The following FHIT variants were observed in gnomAD, a reference collection of about 807,000 sequenced individuals.
The protein encoded by FHIT is fragile histidine triad diadenosine triphosphatase.
FHIT carries 19 observed loss-of-function variants against 17.9 expected under a neutral mutation model. The observed-to-expected ratio is 1.06, with a 90% CI of 0.74 to 1.56. FHIT has a LOEUF of 1.56. FHIT is among the 40% of genes most tolerant of loss of function. FHIT has a pLI of 0.00. For missense variants in FHIT, 248 were observed against 189.2 expected (o/e 1.31, Z -1.82); for synonymous variants, 81 against 69.7 (o/e 1.16, Z -0.81).
chr3:59,782,594 C>T (rs1012389845), intron 8 of FHIT, among the ~76,000 whole-genome samples: 4 of 152,186 alleles, frequency 2.6e-5, no homozygotes, highest in African/African-American at 7.2e-5. Context: ...GGGCTCATAG[C>T]TTTCTGCAGA....
At chr3:61,189,504 C>A (rs1456939731) in intron 2 of FHIT, among the ~76,000 whole-genome samples, 2 of 152,184 alleles carry the variant, frequency 1.3e-5, no homozygotes, top group Non-Finnish European at 1.5e-5. Flanking sequence ...AATGGCCATA[C>A]TGCCCAAGGT....
intron 5 of FHIT, among the ~76,000 whole-genome samples, chr3:60,205,688 G>A (rs533609555): frequency 6.6e-6 from 1 of 152,078 alleles, no homozygotes; most frequent in Non-Finnish European, 1.5e-5. Context: ...ACAAAATGAC[G>A]CAAAGTTCAG....
chr3:59,985,438 G>A (rs186615754), intron 7 of FHIT, among the ~76,000 whole-genome samples: 99 of 152,268 alleles, frequency 6.5e-4, no homozygotes, highest in African/African-American at 1.7e-3. Context: ...AACAAACTAC[G>A]TGGTCTAAGG....
At chr3:60,956,271 A>T (rs1361209894) in intron 3 of FHIT, among the ~76,000 whole-genome samples, 1 of 152,208 alleles carries the variant, frequency 6.6e-6, no homozygotes, top group African/African-American at 2.4e-5. Context: ...GAAGTGTTCA[A>T]GTAAAAGGAT....
chr3:60,531,436 G>A (rs868000389), intron 5 of FHIT, among the ~76,000 whole-genome samples: 2 of 151,704 alleles, frequency 1.3e-5, no homozygotes, highest in African/African-American at 2.4e-5. Flanking sequence ...CCGCTACCAC[G>A]CCCGGCTAAT....
Position 59,840,917 on chromosome 3 carries a change from T to G in FHIT, c.348+81429A>C, listed in dbSNP as rs531702047. 9.2e-5 allele frequency among the ~76,000 whole-genome samples: 14 copies of G among 152,286 alleles called. No individual in the cohort carries two copies. The East Asian group carries it at 2.5e-3, about 27-fold the overall frequency. ...AATGACATAGCAGGGTGTACATCAT[T>G]TAGCAAATACACTAGGAGCTTAATA... is the stretch of plus-strand genomic sequence containing the variant. On this transcript the variant is annotated intron_variant, in intron 8 of 9. Transcript: ENST00000492590.
intron 5 of FHIT, among the ~76,000 whole-genome samples, chr3:60,085,215 G>C (rs980764558): frequency 6.6e-6 from 1 of 152,236 alleles, no homozygotes; most frequent in South Asian, 2.1e-4. Flanking sequence ...AAACTAGACA[G>C]AGACAAAGAT....
At chr3:60,419,802 A>G (rs1345141279) in intron 5 of FHIT, among the ~76,000 whole-genome samples, 3 of 152,170 alleles carry the variant, frequency 2.0e-5, no homozygotes, top group African/African-American at 4.8e-5. Flanking sequence ...AAAGGTATCA[A>G]TTAGGTTCAG....
chr3:61,043,642 C>A (rs1333930956), intron 2 of FHIT, among the ~76,000 whole-genome samples: 1 of 152,178 alleles, frequency 6.6e-6, no homozygotes, highest in Admixed American at 6.5e-5. Context: ...GTTCTCCCAC[C>A]ATGGAGTTTG....
intron 3 of FHIT, among the ~76,000 whole-genome samples, chr3:60,870,719 G>A (rs576648685): frequency 2.0e-5 from 3 of 152,282 alleles, no homozygotes; most frequent in Admixed American, 6.5e-5. Context: ...AGGATGGAAT[G>A]CAATAGTCCC....
At chr3:60,438,316 T>C (rs539296337) in intron 5 of FHIT, among the ~76,000 whole-genome samples, 1 of 152,026 alleles carries the variant, frequency 6.6e-6, no homozygotes, top group Non-Finnish European at 1.5e-5. Context: ...TGGACAAGCA[T>C]GTACAGCTAC....
Position 60,915,300 on chromosome 3 carries a change from TA to T in FHIT, c.-110-93290del, listed in dbSNP as rs544438104. ...TCTCAGGGCCTCCTGATACCACATA[TA>T]AAAGTGGGGAATGACACAGCTTTTG... On this transcript the variant is annotated intron_variant, in intron 3 of 9. Transcript: ENST00000492590. 3.3e-5 allele frequency among the ~76,000 whole-genome samples: 5 copies of T among 152,174 alleles called. No homozygotes were observed. The East Asian group carries it at 9.6e-4, about 29-fold the overall frequency.
chr3:60,898,260 A>T (rs1217524672), intron 3 of FHIT, among the ~76,000 whole-genome samples: 2 of 152,232 alleles, frequency 1.3e-5, no homozygotes, highest in Non-Finnish European at 2.9e-5. Context: ...TAAAATATTG[A>T]ACCAAATATT....
At chr3:59,992,684 T>G (rs1411060695) in intron 7 of FHIT, among the ~76,000 whole-genome samples, 2 of 152,098 alleles carry the variant, frequency 1.3e-5, no homozygotes, top group Non-Finnish European at 2.9e-5. Flanking sequence ...CTTAATTTTC[T>G]TGGTTTCAAT....
chr3:60,503,046 T>C (rs149409484), intron 5 of FHIT, among the ~76,000 whole-genome samples: 2 of 152,212 alleles, frequency 1.3e-5, no homozygotes, highest in African/African-American at 2.4e-5. Context: ...TTATGCTGTA[T>C]TGGTTAAGAA....
Position 60,564,175 on chromosome 3 carries a change from A to G in FHIT, c.-17-27196T>C, listed in dbSNP as rs1270705395. ...CATCAACTCTGCCTGTGCTCTGTAA[A>G]TGGAACAACAAAGCCGGGATGACAG... On this transcript the variant is annotated intron_variant, in intron 4 of 9. Transcript: ENST00000492590. 2.6e-5 allele frequency among the ~76,000 whole-genome samples: 4 copies of G among 152,174 alleles called. No individual in the cohort carries two copies. The East Asian group carries it at 7.7e-4, about 29-fold the overall frequency.
At chr3:60,365,620 C>A (rs1242818980) in intron 5 of FHIT, among the ~76,000 whole-genome samples, 2 of 152,108 alleles carry the variant, frequency 1.3e-5, no homozygotes, top group East Asian at 1.9e-4. Flanking sequence ...CAGTCATAGA[C>A]CACTTCTGTT....
intron 4 of FHIT, among the ~76,000 whole-genome samples, chr3:60,681,673 G>A (rs1357720852): frequency 6.6e-6 from 1 of 152,158 alleles, no homozygotes; most frequent in Non-Finnish European, 1.5e-5. Flanking sequence ...GGCTTGTTGA[G>A]GATATGGGAA....
At chr3:60,065,534 T>C (rs765691684) in intron 5 of FHIT, among the ~76,000 whole-genome samples, 2 of 152,110 alleles carry the variant, frequency 1.3e-5, no homozygotes, top group Non-Finnish European at 2.9e-5. Flanking sequence ...ACCTGAGAAA[T>C]TCTGGAATGC....
Sources: gnomAD v4.1 joint callset for allele counts (sites outside exome capture counted in the v4.1 genomes callset) on GRCh38, gnomAD v4.1.1 for gene constraint, MANE v1.5 for transcripts, NCBI Gene and HGNC (gene_info 2026-07-23, HGNC 2026-07-21) for gene names.